Variants in HSD17B12 observed in about 807,000 individuals in gnomAD.
HSD17B12 encodes very-long-chain 3-oxoacyl-CoA reductase.
Under a neutral mutation model 39.3 loss-of-function variants are expected in HSD17B12, and 32 were observed. The ratio of observed to expected loss-of-function variants is 0.81; its 90% CI spans 0.61 to 1.09. HSD17B12 has a LOEUF of 1.09. HSD17B12 is among the 50% of genes least tolerant of loss of function. The probability of loss-of-function intolerance (pLI) is 0.00; values close to 1 mark genes in which losing one functional copy is unlikely to be tolerated. For synonymous variants in HSD17B12, 150 were observed against 146.7 expected, an observed-to-expected ratio of 1.02 and a Z score of -0.16; for missense variants, 342 against 382.9, an observed-to-expected ratio of 0.89 and a Z score of 0.89.
chr11:43,659,413 C>A, the HSD17B12 span, among the ~76,000 whole-genome samples: 45 of 152,308 alleles, frequency 3.0e-4, no homozygotes, highest in South Asian at 5.6e-3. Flanking sequence ...CACCCACTGT[C>A]TGGCACTCCC....
intron 1 of HSD17B12, among the ~76,000 whole-genome samples, chr11:43,727,267 A>G (rs1950230144): frequency 6.6e-6 from 1 of 152,218 alleles, no homozygotes. Context: ...AAAATGTTCA[A>G]TGTAAAATAT....
chr11:43,717,848 A>G (rs1950138745), intron 1 of HSD17B12, among the ~76,000 whole-genome samples: 1 of 139,102 alleles, frequency 7.2e-6, no homozygotes, highest in African/African-American at 2.7e-5. Flanking sequence ...TCTGTCGCCC[A>G]GGCTGGAGTG....
At chr11:43,685,764 C>A (rs1228252760) in intron 1 of HSD17B12, among the ~76,000 whole-genome samples, 1 of 152,140 alleles carries the variant, frequency 6.6e-6, no homozygotes, top group African/African-American at 2.4e-5. Flanking sequence ...GAGTAGATTT[C>A]TTTATACCTA....
At chr11:43,643,879 G>A in the HSD17B12 span, among the ~76,000 whole-genome samples, 1 of 152,156 alleles carries the variant, frequency 6.6e-6, no homozygotes, top group African/African-American at 2.4e-5. Flanking sequence ...TGATAAAGTC[G>A]AAGGGGAAGA....
chr11:43,580,719 C>G, the HSD17B12 span, among the ~76,000 whole-genome samples: 1 of 152,002 alleles, frequency 6.6e-6, no homozygotes, highest in African/African-American at 2.4e-5. Context: ...GGTCCTGAAC[C>G]GCTTTTTTTG....
At chr11:43,609,246 TCTC>T in the HSD17B12 span, among the ~76,000 whole-genome samples, 1 of 151,468 alleles carries the variant, frequency 6.6e-6, no homozygotes, top group African/African-American at 2.4e-5. Context: ...AACATGCACA[TCTC>T]CTTTTTAGAA....
the HSD17B12 span, among the ~76,000 whole-genome samples, chr11:43,586,985 T>G: frequency 2.0e-5 from 3 of 152,004 alleles, no homozygotes; most frequent in Non-Finnish European, 4.4e-5. Context: ...GGAAGAAAAA[T>G]GAGATGGGGT....
the HSD17B12 span, among the ~76,000 whole-genome samples, chr11:43,665,540 G>A: frequency 7.2e-5 from 11 of 152,120 alleles, no homozygotes; most frequent in African/African-American, 1.4e-4. Flanking sequence ...TGATGAGAAT[G>A]AGATGAAGCA....
chr11:43,797,596 A>G (rs984732193), intron 3 of HSD17B12, among the ~76,000 whole-genome samples: 16 of 152,206 alleles, frequency 1.1e-4, no homozygotes, highest in African/African-American at 3.9e-4. Flanking sequence ...ATCTCTTCAC[A>G]GGGGCTGTCT....
the HSD17B12 span, among the ~76,000 whole-genome samples, chr11:43,584,065 C>A: frequency 6.6e-6 from 1 of 152,196 alleles, no homozygotes; most frequent in Non-Finnish European, 1.5e-5. Context: ...CCAGGCAAAG[C>A]AGTTTTGCAT....
At chr11:43,851,623 A>C (rs1565113113) in intron 9 of HSD17B12, among the ~76,000 whole-genome samples, 1 of 152,216 alleles carries the variant, frequency 6.6e-6, no homozygotes, top group African/African-American at 2.4e-5. Flanking sequence ...TTTCTGGATC[A>C]TAGCAGTGGA....
At chr11:43,642,367 T>C in the HSD17B12 span, among the ~76,000 whole-genome samples, 10 of 151,814 alleles carry the variant, frequency 6.6e-5, no homozygotes, top group African/African-American at 2.4e-4. Context: ...ACTGAAAAGA[T>C]CATAAAATTA....
chr11:43,706,767 G>A (rs919183832), intron 1 of HSD17B12, among the ~76,000 whole-genome samples: 1 of 150,344 alleles, frequency 6.7e-6, no homozygotes, highest in Non-Finnish European at 1.5e-5. Flanking sequence ...TGGTTTTATA[G>A]GAGAAATACT....
intron 9 of HSD17B12, chr11:43,852,545 G>T (rs549623233): frequency 3.3e-5 from 5 of 151,666 alleles, no homozygotes; most frequent in African/African-American, 1.2e-4. Flanking sequence ...CCTTCATTAT[G>T]TGAGATCAGA....
chr11:43,680,567 A>G (rs1949731394), upstream of HSD17B12: 1 of 465,800 alleles, frequency 2.1e-6, no homozygotes, highest in East Asian at 4.4e-5. Context: ...CACTGGCGGA[A>G]CCCCGGGGGA....
At chr11:43,742,140 T>TATATATATATATA (rs1554964313) in intron 1 of HSD17B12, among the ~76,000 whole-genome samples, 11 of 50,948 alleles carry the variant, frequency 2.2e-4, no homozygotes, top group African/African-American at 5.9e-4. Context: ...TATATATATA[T>TATATATATATATA]TTTTTTTTTT....
intron 3 of HSD17B12, among the ~76,000 whole-genome samples, chr11:43,765,513 G>T (rs772033444): frequency 6.6e-6 from 1 of 150,584 alleles, no homozygotes; most frequent in East Asian, 1.9e-4. Context: ...TCTTCTTGTA[G>T]TTTCCCTACT....
At chr11:43,592,153 G>A in the HSD17B12 span, among the ~76,000 whole-genome samples, 2 of 151,800 alleles carry the variant, frequency 1.3e-5, no homozygotes, top group Non-Finnish European at 2.9e-5. Context: ...GTGCTCATAG[G>A]TTATAAAATT....
the HSD17B12 span, among the ~76,000 whole-genome samples, chr11:43,665,995 T>G: frequency 6.6e-6 from 1 of 152,236 alleles, no homozygotes; most frequent in African/African-American, 2.4e-5. Flanking sequence ...ATTTTATGGT[T>G]GTATGTGGTT....
Sources: gnomAD v4.1 joint callset for allele counts (sites outside exome capture counted in the v4.1 genomes callset) on GRCh38, gnomAD v4.1.1 for gene constraint, MANE v1.5 for transcripts, NCBI Gene and HGNC (gene_info 2026-07-23, HGNC 2026-07-21) for gene names.